Variants in KLF7 observed in about 807,000 individuals in gnomAD.
The protein encoded by KLF7 is KLF transcription factor 7.
In KLF7, 2 loss-of-function variants were observed where a neutral mutation model predicts 27.3. The ratio of observed to expected loss-of-function variants is 0.07; its 90% confidence interval spans 0.03 to 0.23. The LOEUF is 0.23. Among genes scored for constraint, KLF7 ranks in the 10% least tolerant of loss-of-function variants. The pLI is 1.00. For missense variants in KLF7, 221 were observed against 394.1 expected (o/e 0.56, Z 3.72); for synonymous variants, 165 against 162.4 (o/e 1.02, Z -0.12).
At chr2:207,082,887 CT>C (rs2076307010) in intron 3 of KLF7, among the ~76,000 whole-genome samples, 1 of 152,056 alleles carries the variant, frequency 6.6e-6, no homozygotes, top group Non-Finnish European at 1.5e-5. Context: ...TCCACACCCC[CT>C]GTTTGTGTCC....
At chr2:207,142,405 A>G (rs2077969187) in intron 1 of KLF7, among the ~76,000 whole-genome samples, 1 of 152,178 alleles carries the variant, frequency 6.6e-6, no homozygotes, top group Non-Finnish European at 1.5e-5. Context: ...CTGAGCTTCC[A>G]CTTTATATAG....
chr2:207,172,961 G>A, the KLF7 span, among the ~76,000 whole-genome samples: 1 of 150,734 alleles, frequency 6.6e-6, no homozygotes, highest in Non-Finnish European at 1.5e-5. Context: ...TAATTTATAA[G>A]TGGTCCTATC....
chr2:207,132,743 T>C (rs2077670879), intron 1 of KLF7, among the ~76,000 whole-genome samples: 1 of 152,230 alleles, frequency 6.6e-6, no homozygotes, highest in African/African-American at 2.4e-5. Flanking sequence ...TCACATAACC[T>C]GGGCAGAGCT....
rs1480570199 is a variant in KLF7, at chr2:207,165,139, C to A, written c.102+328G>T. Among the ~76,000 whole-genome samples the A allele has an allele frequency of 3.3e-5, 5 of 152,116 alleles. No homozygotes were observed. In the East Asian group the frequency reaches 9.7e-4, roughly 30 times the overall value. On this transcript the variant is annotated intron_variant, in intron 1 of 3. Coordinates refer to ENST00000309446, the MANE Select transcript of KLF7 (RefSeq NM_003709.4). ...CTCCTAACACCCCAAACCACCTTCC[C>A]ACCCGGCTCCTCCGAACCCCAGAAG...
intron 1 of KLF7, among the ~76,000 whole-genome samples, chr2:207,133,853 T>A (rs1281038267): frequency 6.6e-6 from 1 of 152,158 alleles, no homozygotes; most frequent in African/African-American, 2.4e-5. Context: ...CTCCCCCCAG[T>A]GGATCTTGCC....
At chr2:207,146,757 A>T (rs1188269175) in intron 1 of KLF7, among the ~76,000 whole-genome samples, 1 of 152,220 alleles carries the variant, frequency 6.6e-6, no homozygotes, top group Non-Finnish European at 1.5e-5. Flanking sequence ...CGGAAGAAAG[A>T]GAAAACAGTG....
Position 207,080,617 on chromosome 2 carries a change from T to TCTGA in KLF7, c.*592_*595dup. On this transcript the variant is annotated 3_prime_UTR_variant, in exon 4 of 4. Coordinates refer to ENST00000309446, the MANE Select transcript of KLF7 (RefSeq NM_003709.4). The stretch of plus-strand genomic sequence containing the variant: ...ACCAGTCAACAGTTCTGTGAGGAAG[T>TCTGA]CTGACGCACGGAATAGTAGGACTTT... The TCTGA allele has an allele frequency of 2.6e-6, 1 of 383,296 alleles. No homozygotes were observed. The highest frequency in any genetic ancestry group is 4.6e-6 in the Non-Finnish European group (1 of 216,848). 23.7% of individuals were successfully genotyped at this position (383,296 alleles called of 1,614,324 possible). A position where few individuals can be genotyped will look rare whatever the true frequency, so the allele number is the denominator to read the frequency against.
intron 2 of KLF7, among the ~76,000 whole-genome samples, chr2:207,097,529 C>T (rs972235031): frequency 6.6e-6 from 1 of 152,144 alleles, no homozygotes; most frequent in Non-Finnish European, 1.5e-5. Flanking sequence ...AAACTGGAGC[C>T]CAGCCTGCCC....
intron 1 of KLF7, chr2:207,149,064 T>C: frequency 8.3e-7 from 1 of 1,208,832 alleles, no homozygotes; most frequent in Non-Finnish European, 1.1e-6. Context: ...GTGTTCCACC[T>C]AAAGGATGCA....
chr2:207,113,247 T>G (rs993936313), intron 2 of KLF7, among the ~76,000 whole-genome samples: 1 of 151,534 alleles, frequency 6.6e-6, no homozygotes, highest in Non-Finnish European at 1.5e-5. Context: ...ATTTTGCCAG[T>G]TTTTTTTTCC....
chr2:207,124,216 G>A lies in KLF7; in HGVS notation c.291C>T (p.Ile97=). The change falls in exon 2 of 4, where the codon ATC becomes ATT. Residue 97 remains isoleucine (I), a synonymous_variant. Transcript: ENST00000309446. ...ATAGCAACTTGTCCCGAGAGAGCAAGATGTCCACTGCCGAGCTCTTCTCAC... is the reference window on the plus strand; with the variant it reads ...ATAGCAACTTGTCCCGAGAGAGCAAAATGTCCACTGCCGAGCTCTTCTCAC... The part of the protein sequence containing the change: ...AICEKSSAVD[I]LLSRDKLLSE... 6.2e-7 allele frequency: 1 copy of A among 1,614,168 alleles called. No homozygotes were observed.
At chr2:207,091,917 C>T (rs2076521159) in intron 2 of KLF7, among the ~76,000 whole-genome samples, 1 of 152,110 alleles carries the variant, frequency 6.6e-6, no homozygotes, top group East Asian at 1.9e-4. Context: ...TAAAAGCCTA[C>T]CTGAAGATTT....
chr2:207,099,544 C>T (rs2076707632), intron 2 of KLF7, among the ~76,000 whole-genome samples: 1 of 30,274 alleles, frequency 3.3e-5, no homozygotes, highest in Non-Finnish European at 7.4e-5. Context: ...CTTTCTGCTA[C>T]ATATGCGATA....
chr2:207,146,797 T>C (rs1296191831), intron 1 of KLF7, among the ~76,000 whole-genome samples: 3 of 152,188 alleles, frequency 2.0e-5, no homozygotes, highest in Non-Finnish European at 4.4e-5. Context: ...ATCCGGCCTC[T>C]TTCCTGGAGG....
At chr2:207,149,098 G>A in intron 1 of KLF7, 2 of 1,270,176 alleles carry the variant, frequency 1.6e-6, no homozygotes, top group Non-Finnish European at 2.0e-6. Context: ...CTTAGGGACT[G>A]ATAAATCTGT....
chr2:207,130,112 T>C lies in KLF7; in HGVS notation c.103-5708A>G, dbSNP rs190138125. On this transcript the variant is annotated intron_variant, in intron 1 of 3. Transcript: ENST00000309446. ...CACATCTCCTGTCACATTGACTATT[T>C]CCCCTACGACCCTTACCTAAAGGGT... is the stretch of plus-strand genomic sequence containing the variant. 3.2e-3 allele frequency among the ~76,000 whole-genome samples: 479 copies of C among 149,030 alleles called. 2 individuals carry two copies. The highest frequency in any genetic ancestry group is 0.011 in the African/African-American group (466 of 40,708).
intron 1 of KLF7, among the ~76,000 whole-genome samples, chr2:207,139,157 C>G (rs1042113008): frequency 6.6e-5 from 10 of 152,182 alleles, no homozygotes; most frequent in African/African-American, 2.4e-4. Flanking sequence ...AACAGGCTGA[C>G]AGAAACAGGA....
chr2:207,097,760 T>C (rs2076667058), intron 2 of KLF7, among the ~76,000 whole-genome samples: 1 of 152,238 alleles, frequency 6.6e-6, no homozygotes, highest in South Asian at 2.1e-4. Flanking sequence ...ATTAAAGAAT[T>C]TTTGTAATGT....
chr2:207,169,685 C>T (rs74428028), upstream of KLF7, among the ~76,000 whole-genome samples: 281 of 152,284 alleles, frequency 1.8e-3, 1 homozygote, highest in African/African-American at 6.7e-3. Flanking sequence ...CATGTACCCA[C>T]TTTATGTCTC....
Sources: allele counts gnomAD v4.1 joint callset (sites outside exome capture counted in the v4.1 genomes callset), GRCh38; gene constraint gnomAD v4.1.1; transcripts MANE v1.5; gene names NCBI Gene and HGNC (gene_info 2026-07-23, HGNC 2026-07-21).